SLC15A2: variants seen among roughly 807,000 people sequenced by gnomAD.
The protein encoded by SLC15A2 is solute carrier family 15 member 2.
A neutral mutation model predicts 95.5 loss-of-function variants in SLC15A2; 77 were observed. That is an observed-to-expected ratio of 0.81 (90% confidence interval 0.67 to 0.97). The LOEUF (loss-of-function observed/expected upper bound fraction) is 0.97, where lower values mean the gene tolerates loss of function less well. Among genes scored for constraint, SLC15A2 ranks in the 50% least tolerant of loss-of-function variants. The pLI is 0.00. For missense variants in SLC15A2, 893 were observed against 874.4 expected, an observed-to-expected ratio of 1.02 and a Z score of -0.27; for synonymous variants, 306 against 306.9, an observed-to-expected ratio of 1.00 and a Z score of 0.03.
intron 3 of SLC15A2, among the ~76,000 whole-genome samples, chr3:121,900,500 T>G (rs986309948): frequency 6.6e-6 from 1 of 152,344 alleles, no homozygotes; most frequent in East Asian, 1.9e-4. Flanking sequence ...ACTACTCTGC[T>G]CAGCAATTTC....
chr3:121,902,850 T>C (rs1204197681), intron 3 of SLC15A2, among the ~76,000 whole-genome samples: 2 of 152,236 alleles, frequency 1.3e-5, no homozygotes, highest in Non-Finnish European at 2.9e-5. Flanking sequence ...AGTAGCATGA[T>C]TTATAATCCT....
At chr3:121,931,930 G>A (rs184421070) in intron 19 of SLC15A2, among the ~76,000 whole-genome samples, 195 bp downstream of exon 19, 145 of 152,094 alleles carry the variant, frequency 9.5e-4, no homozygotes, top group African/African-American at 3.3e-3. Flanking sequence ...ACAGAGTTTC[G>A]CTCTCATCGC....
In SLC15A2 at chr3:121,915,646, A is replaced by G. The variant is rs757477203; in HGVS notation, c.650A>G (p.Tyr217Cys). The change falls in exon 7 of 22, where the codon TAT (tyrosine) becomes TGT (cysteine). Residue 217 changes from tyrosine to cysteine, a missense_variant. By Grantham distance (194) the Tyr-to-Cys change is radical (BLOSUM62 -2). Coordinates refer to ENST00000489711, the MANE Select transcript of SLC15A2 (RefSeq NM_021082.4). ...GTGCAATGTTTTGGAGAAGACTGCT[A>G]TGCATTGGCTTTTGGAGTTCCAGGA... ...GDVQCFGEDC[Y>C]ALAFGVPGLL... 2 of 1,614,008 alleles carry G rather than the reference A, an allele frequency of 1.2e-6. No individual in the cohort carries two copies. Among genetic ancestry groups the G allele is most frequent in the Non-Finnish European group, 1.7e-6 (2 of 1,179,878 alleles).
In SLC15A2 at chr3:121,939,407, C is replaced by A. The variant is rs749399079; in HGVS notation, c.1820C>A (p.Ser607Tyr). 6.3e-7 allele frequency: 1 copy of A among 1,582,016 alleles called. No individual in the cohort carries two copies. Among genetic ancestry groups the A allele is most frequent in the Admixed American group, 1.8e-5 (1 of 55,146 alleles). ...GAAGACATTCCAGCCAACAAAATGT[C>A]CATTGCGTGGCAGCTACCACAATAT... ...KIEDIPANKM[S>Y]IAWQLPQYAL... Residue 607 changes from serine (S) to tyrosine (Y), a missense_variant, in exon 20 of 22, where the codon TCC becomes TAC. Coordinates refer to ENST00000489711, the MANE Select transcript of SLC15A2 (RefSeq NM_021082.4).
chr3:121,905,372 ATTTC>A (rs1485455116), intron 3 of SLC15A2, among the ~76,000 whole-genome samples: 2 of 151,644 alleles, frequency 1.3e-5, no homozygotes, highest in East Asian at 3.9e-4. Flanking sequence ...GATCTTAGTT[ATTTC>A]TTGCCTTCTG....
chr3:121,916,910 TC>T (rs968120688), intron 7 of SLC15A2, among the ~76,000 whole-genome samples: 6 of 152,124 alleles, frequency 3.9e-5, no homozygotes, highest in Non-Finnish European at 2.9e-5. Flanking sequence ...AAGCTCCACG[TC>T]CCGGGTTCAC....
chr3:121,929,403 T>G (rs1710186832), intron 17 of SLC15A2, 55 bp downstream of exon 17: 10 of 1,556,818 alleles, frequency 6.4e-6, no homozygotes, highest in Non-Finnish European at 7.1e-6. Context: ...CTTGGATCTC[T>G]TCTAATCTTT....
At chr3:121,920,537 C>T (rs1394900055) in intron 7 of SLC15A2, among the ~76,000 whole-genome samples, 1 of 152,180 alleles carries the variant, frequency 6.6e-6, no homozygotes, top group East Asian at 1.9e-4. Flanking sequence ...ACCTTGTAAT[C>T]CATCCGCCTT....
intron 19 of SLC15A2, among the ~76,000 whole-genome samples, chr3:121,938,700 A>G (rs1710401121): frequency 6.6e-6 from 1 of 152,098 alleles, no homozygotes; most frequent in African/African-American, 2.4e-5. Context: ...GGTACCTCAG[A>G]TGGAAACGCA....
intron 1 of SLC15A2, chr3:121,895,451 T>TTA (rs1170382556): frequency 2.0e-5 from 3 of 152,202 alleles, no homozygotes; most frequent in East Asian, 1.9e-4. Context: ...GGAGGATCAT[T>TTA]TATATATATC....
intron 19 of SLC15A2, among the ~76,000 whole-genome samples, chr3:121,938,633 T>C (rs183414934): frequency 6.6e-6 from 1 of 152,322 alleles, no homozygotes; most frequent in Admixed American, 6.5e-5. Flanking sequence ...TCGCACACGG[T>C]GTGCTGCACC....
At chr3:121,918,227 C>T (rs1419375441) in intron 7 of SLC15A2, among the ~76,000 whole-genome samples, 1 of 152,040 alleles carries the variant, frequency 6.6e-6, no homozygotes, top group Non-Finnish European at 1.5e-5. Context: ...ATTAACAAAC[C>T]TTAGAATGGT....
chr3:121,910,059 G>C (rs988002497), intron 3 of SLC15A2, among the ~76,000 whole-genome samples: 1 of 149,960 alleles, frequency 6.7e-6, no homozygotes, highest in African/African-American at 2.5e-5. Context: ...TTTTTTTTCT[G>C]TTCCTTTTTA....
chr3:121,901,255 G>T (rs1267052457), intron 3 of SLC15A2, among the ~76,000 whole-genome samples: 1 of 152,128 alleles, frequency 6.6e-6, no homozygotes, highest in Non-Finnish European at 1.5e-5. Flanking sequence ...GACCTCAAGT[G>T]GTCCACCCAC....
chr3:121,905,060 T>C (rs1709604859), intron 3 of SLC15A2, among the ~76,000 whole-genome samples: 1 of 152,228 alleles, frequency 6.6e-6, no homozygotes, highest in Admixed American at 6.5e-5. Context: ...ATTCAACTTC[T>C]TTCTGGTTTA....
intron 3 of SLC15A2, 115 bp from the exon 4 acceptor site, chr3:121,911,459 C>CCCT (rs945230318): frequency 9.2e-6 from 6 of 650,406 alleles, no homozygotes; most frequent in Admixed American, 2.5e-5. Flanking sequence ...CTTTCCTCCT[C>CCCT]CCTCCTCCTC....
intron 1 of SLC15A2, 67 bp from the exon 2 acceptor site, chr3:121,896,339 A>G (rs1188086581): frequency 7.8e-7 from 1 of 1,285,132 alleles, no homozygotes; most frequent in Non-Finnish European, 1.1e-6. Context: ...TTCAGTTTTG[A>G]AGAAATCTAA....
chr3:121,930,693 A>G lies in SLC15A2; in HGVS notation c.1554-147A>G, dbSNP rs111774418. ...TGGGTTCATTCGTCTAGTTAACAATATACATTAGGTACCTTTTATGTGCCA... is the reference window on the plus strand; with the variant it reads ...TGGGTTCATTCGTCTAGTTAACAATGTACATTAGGTACCTTTTATGTGCCA... On this transcript the variant is annotated intron_variant, in intron 17 of 21. Coordinates refer to ENST00000489711, the MANE Select transcript of SLC15A2 (RefSeq NM_021082.4). 57 of 572,878 alleles carry G rather than the reference A, an allele frequency of 9.9e-5. 2 individuals are homozygous for G. Among genetic ancestry groups the G allele is most frequent in the African/African-American group, 7.9e-4 (42 of 52,982 alleles). 35.5% of individuals were successfully genotyped at this position (572,878 alleles called of 1,614,324 possible). A position where few individuals can be genotyped will look rare whatever the true frequency, so the allele number is the denominator to read the frequency against.
chr3:121,907,850 G>T (rs1314686668), intron 3 of SLC15A2, among the ~76,000 whole-genome samples: 3 of 152,258 alleles, frequency 2.0e-5, no homozygotes, highest in Non-Finnish European at 4.4e-5. Flanking sequence ...ACTTGAGGAG[G>T]CAGTCTGTCC....
Sources: allele counts gnomAD v4.1 joint callset (sites outside exome capture counted in the v4.1 genomes callset), GRCh38; gene constraint gnomAD v4.1.1; transcripts MANE v1.5; gene names NCBI Gene and HGNC (gene_info 2026-07-23, HGNC 2026-07-21).